The following TLK2 variants were observed in gnomAD, a reference collection of about 807,000 sequenced individuals.
TLK2 encodes the protein tousled like kinase 2.
A neutral mutation model predicts 117.3 loss-of-function variants in TLK2; 6 were observed. That is an observed-to-expected ratio of 0.05 (90% CI 0.03 to 0.10). TLK2 has a LOEUF of 0.10. Ranked by LOEUF, TLK2 falls within the 10% of genes least tolerant of loss-of-function variation. The probability of loss-of-function intolerance (pLI) is 1.00; values close to 1 mark genes in which losing one functional copy is unlikely to be tolerated. For synonymous variants in TLK2, 257 were observed against 316.7 expected (o/e 0.81, Z 2.00); for missense variants, 299 against 901.2 (o/e 0.33, Z 8.56).
chr17:62,595,092 G>A (rs2082370993), intron 16 of TLK2, among the ~76,000 whole-genome samples: 1 of 152,080 alleles, frequency 6.6e-6, no homozygotes. Flanking sequence ...CTCTTGAGTA[G>A]TGGGGATTAC....
intron 1 of TLK2, among the ~76,000 whole-genome samples, chr17:62,472,004 C>G (rs1286308430): frequency 7.3e-6 from 1 of 136,132 alleles, no homozygotes; most frequent in Non-Finnish European, 1.5e-5. Flanking sequence ...CTCCTGGGTT[C>G]GTGCCATTCT....
At chr17:62,501,237 CAAAAGAAAA>C (rs2144973328) in intron 2 of TLK2, among the ~76,000 whole-genome samples, 1 of 150,648 alleles carries the variant, frequency 6.6e-6, no homozygotes, top group East Asian at 1.9e-4. Context: ...GACTCCGTCT[CAAAAGAAAA>C]AAAAGAAAAT....
At chr17:62,561,463 C>T (rs1293273385) in intron 10 of TLK2, among the ~76,000 whole-genome samples, 4 of 152,236 alleles carry the variant, frequency 2.6e-5, no homozygotes, top group Non-Finnish European at 5.9e-5. Flanking sequence ...CCACCCGTCT[C>T]GGCCTCCCAA....
chr17:62,503,245 A>G (rs912250836), intron 2 of TLK2, among the ~76,000 whole-genome samples: 6 of 151,576 alleles, frequency 4.0e-5, no homozygotes, highest in African/African-American at 1.5e-4. Context: ...TTTTTAGTAG[A>G]GACGGGGTTT....
upstream of TLK2, among the ~76,000 whole-genome samples, chr17:62,475,823 C>G (rs1250384019): frequency 4.7e-5 from 7 of 149,874 alleles, no homozygotes; most frequent in Non-Finnish European, 1.5e-5. Context: ...CCACGCCTGG[C>G]TAATTTTTTT....
At chr17:62,564,734 CCAAA>C (rs1467149452) in intron 10 of TLK2, among the ~76,000 whole-genome samples, 1 of 151,332 alleles carries the variant, frequency 6.6e-6, no homozygotes, top group Non-Finnish European at 1.5e-5. Context: ...AAAAAACCAA[CCAAA>C]CAAACAAAAA....
intron 7 of TLK2, among the ~76,000 whole-genome samples, chr17:62,538,711 A>C (rs1215661917): frequency 6.6e-6 from 1 of 152,248 alleles, no homozygotes; most frequent in Non-Finnish European, 1.5e-5. Flanking sequence ...GACTAGTAAC[A>C]AAATGATCAT....
chr17:62,487,618 A>ATG lies in TLK2; in HGVS notation c.81+6413_81+6414insGT, dbSNP rs1438330069. On this transcript the variant is annotated intron_variant, in intron 2 of 21. Transcript: ENST00000346027. ...TTCTTTACTTAAATCCTTGGCAAGTATCTTTTTTTTTTTTTTTTTTTTGAG... is the reference window on the plus strand; with the variant it reads ...TTCTTTACTTAAATCCTTGGCAAGTATGTCTTTTTTTTTTTTTTTTTTTTGAG... 4.8e-4 allele frequency among the ~76,000 whole-genome samples: 47 copies of ATG among 97,250 alleles called. 1 individual carries two copies. The South Asian group carries it at 7.1e-3, about 15-fold the overall frequency. The allele number at this position is 97,250 out of a possible 152,430, so 63.8% of individuals were successfully genotyped here.
At chr17:62,538,270 C>T (rs942495373) in intron 7 of TLK2, among the ~76,000 whole-genome samples, 3 of 151,928 alleles carry the variant, frequency 2.0e-5, no homozygotes, top group Admixed American at 6.6e-5. Flanking sequence ...CTCCTGACCT[C>T]GTGATCCGCC....
At chr17:62,516,158 C>T (rs1003912144) in intron 2 of TLK2, among the ~76,000 whole-genome samples, 3 of 152,022 alleles carry the variant, frequency 2.0e-5, no homozygotes, top group Non-Finnish European at 2.9e-5. Context: ...CTCCTGAACT[C>T]AGGTGATCCG....
In TLK2 at chr17:62,479,158, G is replaced by A. The variant is rs2071291795; in HGVS notation, c.-138G>A. On this transcript the variant is annotated 5_prime_UTR_variant, in exon 1 of 22. Coordinates refer to ENST00000346027, the MANE Select transcript of TLK2 (RefSeq NM_006852.6). ...GCGCCGGCGGCGGCTGCCCGGGCGGGGGGTTGCGGCGCTCAGGAGAGGCCC... is the reference window on the plus strand; with the variant it reads ...GCGCCGGCGGCGGCTGCCCGGGCGGAGGGTTGCGGCGCTCAGGAGAGGCCC... The A allele has an allele frequency of 1.3e-5, 2 of 151,138 alleles. No individual in the cohort carries two copies. The highest frequency in any genetic ancestry group is 4.8e-5 in the African/African-American group (2 of 41,244). 9.4% of individuals were successfully genotyped at this position (151,138 alleles called of 1,614,324 possible). A position where few individuals can be genotyped will look rare whatever the true frequency, so the allele number is the denominator to read the frequency against.
chr17:62,487,657 C>G (rs1378929221), intron 2 of TLK2, among the ~76,000 whole-genome samples: 3 of 96,664 alleles, frequency 3.1e-5, no homozygotes, highest in African/African-American at 1.1e-4. Context: ...GAGTTTCACT[C>G]TTGTTGCCCA....
intron 1 of TLK2, among the ~76,000 whole-genome samples, 156 bp from the exon 2 acceptor site, chr17:62,480,965 A>C (rs1168793794): frequency 6.6e-6 from 1 of 152,254 alleles, no homozygotes; most frequent in Non-Finnish European, 1.5e-5. Flanking sequence ...TGTTTGATGC[A>C]GCACATAGTA....
chr17:62,547,504 A>G (rs1304432284), intron 7 of TLK2, among the ~76,000 whole-genome samples: 6 of 152,094 alleles, frequency 3.9e-5, no homozygotes, highest in Admixed American at 2.6e-4. Context: ...TGAGATCCCT[A>G]TATTGTGTAG....
chr17:62,585,344 C>T (rs1055855446), intron 15 of TLK2, among the ~76,000 whole-genome samples: 1 of 152,190 alleles, frequency 6.6e-6, no homozygotes, highest in African/African-American at 2.4e-5. Context: ...AGGAGACCAG[C>T]CTGACCAACA....
At chr17:62,608,205 C>CT in intron 21 of TLK2, 57 bp downstream of exon 21, 7 of 1,410,152 alleles carry the variant, frequency 5.0e-6, no homozygotes, top group African/African-American at 1.4e-5. Context: ...TTCTGTATTA[C>CT]TTTTTTGGGT....
intron 2 of TLK2, among the ~76,000 whole-genome samples, chr17:62,485,806 T>C (rs916612002): frequency 1.3e-5 from 2 of 150,342 alleles, no homozygotes; most frequent in Non-Finnish European, 3.0e-5. Context: ...GTGAACCTAG[T>C]AATTTTCTGG....
intron 8 of TLK2, among the ~76,000 whole-genome samples, chr17:62,553,262 C>G (rs144939423): frequency 0.018 from 2,753 of 152,216 alleles, 75 homozygotes; most frequent in African/African-American, 0.062. Context: ...AGCTTCTTCT[C>G]TTCCCTTCTG....
At chr17:62,492,914 A>G (rs550186520) in intron 2 of TLK2, among the ~76,000 whole-genome samples, 4 of 151,894 alleles carry the variant, frequency 2.6e-5, no homozygotes, top group African/African-American at 9.6e-5. Context: ...TGGCCAACAT[A>G]GTGAAACCCC....
Sources: allele counts gnomAD v4.1 joint callset (sites outside exome capture counted in the v4.1 genomes callset), GRCh38; gene constraint gnomAD v4.1.1; transcripts MANE v1.5; gene names NCBI Gene and HGNC (gene_info 2026-07-23, HGNC 2026-07-21).